The following BCL2 variants were observed in gnomAD, a reference collection of about 807,000 sequenced individuals.
BCL2 encodes the protein BCL2 apoptosis regulator.
BCL2 carries 1 observed loss-of-function variant against 14.2 expected under a neutral mutation model. That is an observed-to-expected ratio of 0.07 (90% CI 0.02 to 0.33). The LOEUF is 0.33. BCL2 is among the 10% of genes least tolerant of loss of function. The pLI, the probability that BCL2 is intolerant of heterozygous loss-of-function variation, is 0.99. For synonymous variants in BCL2, 151 were observed against 137.2 expected (o/e 1.10, Z -0.70); for missense variants, 247 against 305.9 (o/e 0.81, Z 1.44).
chr18:63,226,232 GC>G (rs1910539591), intron 2 of BCL2, among the ~76,000 whole-genome samples: 1 of 152,194 alleles, frequency 6.6e-6, no homozygotes, highest in South Asian at 2.1e-4. Flanking sequence ...TCTTCTCTCT[GC>G]CAGTGGAGCC....
At chr18:63,153,206 A>G (rs28603232) in intron 2 of BCL2, among the ~76,000 whole-genome samples, 2,510 of 152,344 alleles carry the variant, frequency 0.016, 66 homozygotes, top group African/African-American at 0.056. Context: ...AACTCATGTT[A>G]GATGAGTTAT....
chr18:63,167,573 A>G (rs1465465218), intron 2 of BCL2, among the ~76,000 whole-genome samples: 3 of 152,118 alleles, frequency 2.0e-5, no homozygotes, highest in Non-Finnish European at 4.4e-5. Context: ...TGAGCCTAAG[A>G]GTTTGAAACC....
At chr18:63,146,151 G>A (rs765864188) in intron 2 of BCL2, among the ~76,000 whole-genome samples, 19 of 151,980 alleles carry the variant, frequency 1.3e-4, no homozygotes, top group African/African-American at 7.3e-5. Flanking sequence ...CCCACAACCC[G>A]TTCTCCATTT....
intron 2 of BCL2, among the ~76,000 whole-genome samples, chr18:63,186,154 T>G (rs1915589201): frequency 6.6e-6 from 1 of 152,172 alleles, no homozygotes; most frequent in Non-Finnish European, 1.5e-5. Flanking sequence ...TATCACTAGC[T>G]CAAGTGCTAA....
chr18:63,198,379 C>T (rs1311307095), intron 2 of BCL2, among the ~76,000 whole-genome samples: 4 of 150,010 alleles, frequency 2.7e-5, no homozygotes, highest in Admixed American at 1.3e-4. Context: ...GACATAGACA[C>T]ACACAGACAC....
rs1476761924 is a variant in BCL2 at position 63,318,610 on chromosome 18, G to A, written c.57C>T (p.Ile19=). 7.4e-6 allele frequency: 12 copies of A among 1,612,918 alleles called. No individual in the cohort carries two copies. The highest frequency in any genetic ancestry group is 9.3e-6 in the Non-Finnish European group (11 of 1,179,544). ...YDNREIVMKY[I]HYKLSQRGYE... is the part of the protein sequence containing the mutation. The stretch of plus-strand genomic sequence containing the variant: ...AGCCCCTCTGCGACAGCTTATAATG[G>A]ATGTACTTCATCACTATCTCCCGGT... Residue 19 remains isoleucine, a synonymous_variant, in exon 2 of 3, where the codon ATC becomes ATT. Coordinates refer to ENST00000333681, the MANE Select transcript of BCL2 (RefSeq NM_000633.3). The surrounding 1 kb of genome is among the most constrained non-coding windows in gnomAD (Gnocchi z 7.4).
At chr18:63,300,228 C>T (rs571844654) in intron 2 of BCL2, among the ~76,000 whole-genome samples, 2 of 152,138 alleles carry the variant, frequency 1.3e-5, no homozygotes, top group Admixed American at 1.3e-4. Context: ...AAATTACATC[C>T]CCGTCCACTT....
At chr18:63,306,513 C>T (rs1400419838) in intron 2 of BCL2, among the ~76,000 whole-genome samples, 1 of 152,220 alleles carries the variant, frequency 6.6e-6, no homozygotes, top group African/African-American at 2.4e-5. Context: ...CTCCTCAGCT[C>T]CTGCAGTCCA....
At chr18:63,313,652 G>A (rs1397005156) in intron 2 of BCL2, 1 of 152,188 alleles carries the variant, frequency 6.6e-6, no homozygotes, top group African/African-American at 2.4e-5. Flanking sequence ...AAGACACAAT[G>A]AGTGACCTTA....
chr18:63,222,871 G>A (rs1910439047), intron 2 of BCL2, among the ~76,000 whole-genome samples: 1 of 152,150 alleles, frequency 6.6e-6, no homozygotes, highest in South Asian at 2.1e-4. Context: ...ACCAATTCCA[G>A]GATTGTTTAG....
At chr18:63,183,761 T>C (rs1456045519) in intron 2 of BCL2, among the ~76,000 whole-genome samples, 1 of 152,180 alleles carries the variant, frequency 6.6e-6, no homozygotes, top group Non-Finnish European at 1.5e-5. Context: ...TATATGGACA[T>C]CTGTAATCAC....
chr18:63,212,639 G>GA (rs1910067293), intron 2 of BCL2, among the ~76,000 whole-genome samples: 1 of 152,084 alleles, frequency 6.6e-6, no homozygotes. Flanking sequence ...CACTTTGGGA[G>GA]ATCCAGGCGG....
chr18:63,294,889 G>A (rs1469269170), intron 2 of BCL2, among the ~76,000 whole-genome samples: 7 of 151,980 alleles, frequency 4.6e-5, no homozygotes, highest in South Asian at 2.1e-4. Context: ...GGCTGAGTTC[G>A]GTGGCTTACA....
intron 2 of BCL2, among the ~76,000 whole-genome samples, chr18:63,277,334 C>T (rs1221749844): frequency 6.6e-6 from 1 of 152,136 alleles, no homozygotes; most frequent in African/African-American, 2.4e-5. Flanking sequence ...GTGCCTGAGA[C>T]ATAAAAGGCA....
chr18:63,160,806 G>A (rs1388852588), intron 2 of BCL2, among the ~76,000 whole-genome samples: 1 of 151,968 alleles, frequency 6.6e-6, no homozygotes, highest in East Asian at 1.9e-4. Context: ...GCTTCCTTTG[G>A]GGTGGGGGTA....
intron 2 of BCL2, among the ~76,000 whole-genome samples, chr18:63,284,482 C>T (rs956211561): frequency 9.2e-5 from 14 of 152,308 alleles, no homozygotes; most frequent in Admixed American, 5.2e-4. Context: ...CTGAATTGCA[C>T]CAAAGGTAGA....
intron 2 of BCL2, among the ~76,000 whole-genome samples, chr18:63,156,124 A>G (rs1245641199): frequency 6.7e-6 from 1 of 149,220 alleles, no homozygotes; most frequent in African/African-American, 2.5e-5. Context: ...ACGGCATCAG[A>G]CGGGCTGGCA....
chr18:63,144,666 G>A (rs1568215009), intron 2 of BCL2, among the ~76,000 whole-genome samples: 1 of 152,204 alleles, frequency 6.6e-6, no homozygotes, highest in Non-Finnish European at 1.5e-5. Flanking sequence ...AGGAGCTGAG[G>A]CCTCAGGACT....
intron 2 of BCL2, among the ~76,000 whole-genome samples, chr18:63,218,144 A>T (rs1433067779): frequency 6.6e-6 from 1 of 152,060 alleles, no homozygotes; most frequent in African/African-American, 2.4e-5. Context: ...TACTCCCATA[A>T]TTCTCAGTAT....
Sources: gnomAD v4.1 joint callset for allele counts (sites outside exome capture counted in the v4.1 genomes callset) on GRCh38, gnomAD v4.1.1 for gene constraint, Gnocchi (gnomAD v3.1) non-coding constraint, MANE v1.5 for transcripts, NCBI Gene and HGNC (gene_info 2026-07-23, HGNC 2026-07-21) for gene names.